TSEN2: variants seen among roughly 807,000 people sequenced by gnomAD.
The protein encoded by TSEN2 is tRNA splicing endonuclease subunit 2.
TSEN2 carries 54 observed loss-of-function variants against 59.2 expected under a neutral mutation model. The observed-to-expected ratio is 0.91, with a 90% CI of 0.73 to 1.14. TSEN2 has a LOEUF of 1.14. Ranked by LOEUF, TSEN2 falls within the 50% of genes most tolerant of loss-of-function variation. The pLI is 0.00. For synonymous variants in TSEN2, 195 were observed against 198.2 expected (o/e 0.98, Z 0.14); for missense variants, 636 against 576.2 (o/e 1.10, Z -1.06).
At chr3:12,515,418 A>G (rs1428529185) in intron 6 of TSEN2, among the ~76,000 whole-genome samples, 1 of 152,224 alleles carries the variant, frequency 6.6e-6, no homozygotes, top group Non-Finnish European at 1.5e-5. Flanking sequence ...TGGAAGCAGC[A>G]GTGAGAGCCG....
chr3:12,529,159 G>A (rs907183147), intron 9 of TSEN2, among the ~76,000 whole-genome samples: 1 of 152,088 alleles, frequency 6.6e-6, no homozygotes, highest in Non-Finnish European at 1.5e-5. Context: ...AATCTGTGCC[G>A]TAATTGTTCA....
rs182965339 is a variant in TSEN2, at chr3:12,490,105, C to T, written c.189+116C>T. On this transcript the variant is annotated intron_variant, in intron 2 of 11. Transcript: ENST00000284995. ...CAACCATGAACAATGTGTATTCTTT[C>T]CTTGCGGTTTGGTCCAGTTGTAGGA... 7.4e-5 allele frequency: 77 copies of T among 1,047,266 alleles called. No homozygotes were observed. The East Asian group carries it at 1.5e-3, about 20-fold the overall frequency. 64.9% of individuals were successfully genotyped at this position (1,047,266 alleles called of 1,614,324 possible). A position where few individuals can be genotyped will look rare whatever the true frequency, so the allele number is the denominator to read the frequency against.
At chr3:12,484,040 T>A (rs2052333981), upstream of TSEN2, among the ~76,000 whole-genome samples, 2 of 151,968 alleles carry the variant, frequency 1.3e-5, no homozygotes, top group Non-Finnish European at 2.9e-5. Flanking sequence ...TCCTTGCAAG[T>A]TCCCCGCATG....
chr3:12,481,923 G>GTATA (rs10557886), upstream of TSEN2, among the ~76,000 whole-genome samples: 1,577 of 148,380 alleles, frequency 0.011, 11 homozygotes, highest in African/African-American at 0.014. Flanking sequence ...GTGTGTCTGC[G>GTATA]TATATATATA....
downstream of TSEN2, among the ~76,000 whole-genome samples, chr3:12,537,243 T>G (rs540330452): frequency 6.6e-6 from 1 of 151,916 alleles, no homozygotes; most frequent in South Asian, 2.1e-4. Context: ...CAAATAATTT[T>G]AAAAAATTAG....
intron 3 of TSEN2, among the ~76,000 whole-genome samples, chr3:12,494,597 C>T (rs572878931): frequency 6.6e-6 from 1 of 151,920 alleles, no homozygotes; most frequent in Admixed American, 6.5e-5. Flanking sequence ...GACAGAGTTT[C>T]GCCATGTTGA....
intron 6 of TSEN2, among the ~76,000 whole-genome samples, 149 bp from the exon 7 acceptor site, chr3:12,516,446 ATGTGTGTGTGTGTGTG>A (rs68107346): frequency 0.019 from 2,366 of 126,550 alleles, 41 homozygotes; most frequent in Admixed American, 0.05. Context: ...AACAAAATAT[ATGTGTGTGTGTGTGTG>A]TGTGTGTGTG....
chr3:12,480,381 G>C (rs748626079), upstream of TSEN2, among the ~76,000 whole-genome samples: 9 of 152,116 alleles, frequency 5.9e-5, no homozygotes, highest in African/African-American at 7.2e-5. Context: ...CCTTCCAGGG[G>C]CAGCTCATAT....
At chr3:12,489,754 T>C in intron 1 of TSEN2, 30 bp from the exon 2 acceptor site, 1 of 1,589,512 alleles carries the variant, frequency 6.3e-7, no homozygotes, top group Non-Finnish European at 8.6e-7. Context: ...GATTGTCTGT[T>C]TCTTTCTGTT....
intron 4 of TSEN2, among the ~76,000 whole-genome samples, chr3:12,501,608 T>C (rs966115791): frequency 2.6e-5 from 4 of 151,634 alleles, no homozygotes; most frequent in African/African-American, 9.8e-5. Context: ...CTATGACATA[T>C]TCAGTCTTTT....
chr3:12,491,047 G>A (rs560944718), intron 2 of TSEN2, among the ~76,000 whole-genome samples: 62 of 152,272 alleles, frequency 4.1e-4, no homozygotes, highest in East Asian at 1.9e-3. Flanking sequence ...CTAGGGTGCA[G>A]TGGCATGATC....
intron 1 of TSEN2, among the ~76,000 whole-genome samples, chr3:12,488,515 ATC>A (rs2052871775): frequency 6.6e-6 from 1 of 152,200 alleles, no homozygotes; most frequent in Non-Finnish European, 1.5e-5. Flanking sequence ...CATCTACTGT[ATC>A]TCTGTGTCTG....
intron 6 of TSEN2, among the ~76,000 whole-genome samples, chr3:12,508,658 G>A (rs1200081569): frequency 6.6e-6 from 1 of 152,154 alleles, no homozygotes; most frequent in African/African-American, 2.4e-5. Context: ...CGGCCTTGTA[G>A]GGGTGTTTTC....
chr3:12,496,003 G>C (rs1044254339), intron 3 of TSEN2, among the ~76,000 whole-genome samples: 2 of 152,206 alleles, frequency 1.3e-5, no homozygotes, highest in Non-Finnish European at 2.9e-5. Flanking sequence ...AATAACTTGA[G>C]GTCAAGCCAG....
intron 4 of TSEN2, among the ~76,000 whole-genome samples, chr3:12,501,729 A>G (rs1251849137): frequency 6.6e-6 from 1 of 152,174 alleles, no homozygotes; most frequent in Non-Finnish European, 1.5e-5. Context: ...AACCAGGTAA[A>G]AGAAGGTGAA....
At position 12,509,072 on chromosome 3, in the gene TSEN2, A is replaced by C. The variant is rs185658326; in HGVS notation, c.909+3841A>C. Among the ~76,000 whole-genome samples, 862 of 152,308 alleles carry C rather than the reference A, an allele frequency of 5.7e-3. 12 individuals are homozygous for C. In the Middle Eastern group the frequency reaches 0.075, roughly 13 times the overall value. ...TTTTAATTAGCAAGATCCAGTGAGA[A>C]ATAGATTGATTTGGGGGAGCAAATT... On this transcript the variant is annotated intron_variant, in intron 6 of 11. Coordinates refer to ENST00000284995, the MANE Select transcript of TSEN2 (RefSeq NM_025265.4).
At chr3:12,521,679 C>T (rs1409386766) in intron 8 of TSEN2, among the ~76,000 whole-genome samples, 2 of 151,912 alleles carry the variant, frequency 1.3e-5, no homozygotes, top group Non-Finnish European at 2.9e-5. Context: ...CACACCACTG[C>T]ACTCCAGCCT....
chr3:12,482,840 G>T (rs544879529), upstream of TSEN2, among the ~76,000 whole-genome samples: 1 of 152,122 alleles, frequency 6.6e-6, no homozygotes, highest in Non-Finnish European at 1.5e-5. Context: ...GCATGTTCTG[G>T]TCGGATATTA....
In TSEN2 at chr3:12,516,512, G is replaced by C. The variant is rs1388834242; in HGVS notation, c.910-99G>C. 5 of 984,718 alleles carry C rather than the reference G, an allele frequency of 5.1e-6. No homozygotes were observed. In the East Asian group the frequency reaches 1.2e-4, roughly 24 times the overall value. The allele number at this position is 984,718 out of a possible 1,614,324, so 61.0% of individuals were successfully genotyped here. ...TGACCTTTTTGATGATGACTTAAGA[G>C]CATTTGTATTTGAGGTGAAAAGAGA... On this transcript the variant is annotated intron_variant, in intron 6 of 11. Coordinates refer to ENST00000284995, the MANE Select transcript of TSEN2 (RefSeq NM_025265.4).
Sources: allele counts gnomAD v4.1 joint callset (sites outside exome capture counted in the v4.1 genomes callset), GRCh38; gene constraint gnomAD v4.1.1; transcripts MANE v1.5; gene names NCBI Gene and HGNC (gene_info 2026-07-23, HGNC 2026-07-21).